The following FGF18 variants were observed in gnomAD, a reference collection of about 807,000 sequenced individuals.
The protein encoded by FGF18 is fibroblast growth factor 18.
In FGF18, 5 loss-of-function variants were observed where a neutral mutation model predicts 23.0. The ratio of observed to expected loss-of-function variants is 0.22; its 90% confidence interval spans 0.11 to 0.46. The LOEUF is 0.46. Among genes scored for constraint, FGF18 ranks in the 20% least tolerant of loss-of-function variants. FGF18 has a pLI of 0.99. For missense variants in FGF18, 180 were observed against 291.6 expected (o/e 0.62, Z 2.79); for synonymous variants, 117 against 118.9 (o/e 0.98, Z 0.10).
At chr5:171,430,242 C>T (rs565755108) in intron 2 of FGF18, among the ~76,000 whole-genome samples, 14 of 151,758 alleles carry the variant, frequency 9.2e-5, no homozygotes, top group African/African-American at 3.4e-4. Flanking sequence ...CCTGTAATCC[C>T]AGCTACTCCA....
intron 2 of FGF18, among the ~76,000 whole-genome samples, chr5:171,429,290 G>A (rs957020127): frequency 2.0e-5 from 3 of 152,106 alleles, no homozygotes; most frequent in African/African-American, 7.2e-5. Context: ...TGGCCTCTCT[G>A]TGTCTTCCTT....
At chr5:171,432,328 G>A (rs572818826) in intron 2 of FGF18, among the ~76,000 whole-genome samples, 27 of 152,146 alleles carry the variant, frequency 1.8e-4, no homozygotes, top group African/African-American at 5.5e-4. Flanking sequence ...TCACCTCCAC[G>A]GGTCGCTGAG....
At chr5:171,424,363 T>C (rs988550303) in intron 2 of FGF18, among the ~76,000 whole-genome samples, 1 of 152,230 alleles carries the variant, frequency 6.6e-6, no homozygotes, top group African/African-American at 2.4e-5. Flanking sequence ...AAGATGGTAC[T>C]TGTAGAAATT....
intron 2 of FGF18, 136 bp downstream of exon 2, chr5:171,420,579 C>T (rs1166751715): frequency 1.2e-6 from 1 of 832,312 alleles, no homozygotes; most frequent in Non-Finnish European, 1.9e-6. Context: ...TCCCAGGGCG[C>T]GGAAGGGCGG....
intron 4 of FGF18, among the ~76,000 whole-genome samples, chr5:171,452,020 A>G (rs929569890): frequency 6.6e-6 from 1 of 152,136 alleles, no homozygotes; most frequent in Non-Finnish European, 1.5e-5. Context: ...GCATCCATTC[A>G]TCTGAGTTCT....
At chr5:171,423,158 A>G (rs1379590142) in intron 2 of FGF18, among the ~76,000 whole-genome samples, 2 of 152,160 alleles carry the variant, frequency 1.3e-5, no homozygotes, top group African/African-American at 4.8e-5. Context: ...GAGCACATTC[A>G]GTGCCAGACA....
chr5:171,420,133 G>A lies in FGF18; in HGVS notation c.-67G>A. On this transcript the variant is annotated 5_prime_UTR_variant, in exon 1 of 5. Transcript: ENST00000274625. Reference sequence around the variant, plus strand: ...GCGGCGGCGGCGGCGGAGGCGCCCGGTCCCGGCCGCGCGGAGCGGACATGT... The same window carrying A: ...GCGGCGGCGGCGGCGGAGGCGCCCGATCCCGGCCGCGCGGAGCGGACATGT... 7.5e-7 allele frequency: 1 copy of A among 1,328,722 alleles called. No homozygotes were observed. Among genetic ancestry groups the A allele is most frequent in the Non-Finnish European group, 9.6e-7 (1 of 1,041,858 alleles). 82.3% of individuals were successfully genotyped at this position (1,328,722 alleles called of 1,614,324 possible).
At chr5:171,446,768 G>T (rs1324694874) in intron 3 of FGF18, among the ~76,000 whole-genome samples, 2 of 152,120 alleles carry the variant, frequency 1.3e-5, no homozygotes, top group Non-Finnish European at 2.9e-5. Context: ...GCTCAGAGTG[G>T]GGTATGGCTT....
rs1471609170 is a variant in FGF18 at position 171,456,449 on chromosome 5, A to T, written c.358-90A>T. 1 of 1,323,856 alleles carries T rather than the reference A, an allele frequency of 7.6e-7. No homozygotes were observed. The highest frequency in any genetic ancestry group is 1.0e-6 in the Non-Finnish European group (1 of 954,906). The allele number at this position is 1,323,856 out of a possible 1,614,324, so 82.0% of individuals were successfully genotyped here. On this transcript the variant is annotated intron_variant, in intron 4 of 4. Coordinates refer to ENST00000274625, the MANE Select transcript of FGF18 (RefSeq NM_003862.3). This position sits in a 1 kb window ranked among gnomAD's most constrained non-coding sequence, Gnocchi z 6.1. ...TTACAGTTGTCCCTACAACAATCGC[A>T]ATGGTCCTGAATAAAACCTTCCTCG...
intron 3 of FGF18, among the ~76,000 whole-genome samples, chr5:171,445,688 C>A (rs1005199632): frequency 6.6e-6 from 1 of 152,110 alleles, no homozygotes; most frequent in South Asian, 2.1e-4. Context: ...TAAAGGATTT[C>A]TCTGGCTGTG....
chr5:171,429,291 TG>T (rs1772143512), intron 2 of FGF18, among the ~76,000 whole-genome samples: 1 of 152,106 alleles, frequency 6.6e-6, no homozygotes, highest in African/African-American at 2.4e-5. Flanking sequence ...GGCCTCTCTG[TG>T]TCTTCCTTTG....
intron 3 of FGF18, among the ~76,000 whole-genome samples, chr5:171,446,802 C>T (rs1033585002): frequency 1.3e-5 from 2 of 152,064 alleles, no homozygotes; most frequent in African/African-American, 2.4e-5. Context: ...TAGCCTAGGA[C>T]GGCAATGCCA....
chr5:171,449,359 C>CAGTGTGTGTGTGTG, intron 4 of FGF18, 106 bp downstream of exon 4: 2 of 246,448 alleles, frequency 8.1e-6, no homozygotes, highest in Non-Finnish European at 1.6e-5. Flanking sequence ...GGAAAACAGG[C>CAGTGTGTGTGTGTG]CGTGTGTGTG....
At position 171,457,529 on chromosome 5, in the gene FGF18, T is replaced by A. The variant is rs1772604682; in HGVS notation, c.*724T>A. 6.6e-6 allele frequency: 1 copy of A among 151,844 alleles called. No homozygotes were observed. Among genetic ancestry groups the A allele is most frequent in the Non-Finnish European group, 1.5e-5 (1 of 68,004 alleles). 9.4% of individuals were successfully genotyped at this position (151,844 alleles called of 1,614,324 possible). A position where few individuals can be genotyped will look rare whatever the true frequency, so the allele number is the denominator to read the frequency against. Reference sequence around the variant, plus strand: ...CTATATTATATATATTATATATATATAAGCTATTTATTTCACCTCTCTGTA... The same window carrying A: ...CTATATTATATATATTATATATATAAAAGCTATTTATTTCACCTCTCTGTA... On this transcript the variant is annotated 3_prime_UTR_variant, in exon 5 of 5. Coordinates refer to ENST00000274625, the MANE Select transcript of FGF18 (RefSeq NM_003862.3).
chr5:171,456,429 G>C lies in FGF18; in HGVS notation c.358-110G>C. ...TCCCCCACTGCAAAACTTCATTACA[G>C]TTGTCCCTACAACAATCGCAATGGT... On this transcript the variant is annotated intron_variant, in intron 4 of 4. Transcript: ENST00000274625. The surrounding 1 kb of genome is among the most constrained non-coding windows in gnomAD (Gnocchi z 6.1). The C allele has an allele frequency of 9.1e-7, 1 of 1,101,240 alleles. No homozygotes were observed. Among genetic ancestry groups the C allele is most frequent in the Non-Finnish European group, 1.3e-6 (1 of 770,424 alleles). The allele number at this position is 1,101,240 out of a possible 1,614,324, so 68.2% of individuals were successfully genotyped here.
intron 4 of FGF18, among the ~76,000 whole-genome samples, chr5:171,450,816 C>T (rs566244521): frequency 2.7e-4 from 41 of 152,076 alleles, no homozygotes; most frequent in African/African-American, 7.2e-4. Flanking sequence ...TGTGGCGGCG[C>T]GGCCCAGCCC....
At chr5:171,425,621 G>C (rs1286109929) in intron 2 of FGF18, among the ~76,000 whole-genome samples, 2 of 146,622 alleles carry the variant, frequency 1.4e-5, no homozygotes, top group African/African-American at 5.1e-5. Flanking sequence ...AGCTCTGCCT[G>C]CCGGGTTCAC....
At chr5:171,420,471 T>C (rs1194969420) in intron 2 of FGF18, 28 bp downstream of exon 2, 1 of 1,608,716 alleles carries the variant, frequency 6.2e-7, no homozygotes, top group South Asian at 1.1e-5. Context: ...TTTGACCTCC[T>C]CCCGCCCCTG....
intron 3 of FGF18, among the ~76,000 whole-genome samples, chr5:171,437,375 C>A (rs1772264128): frequency 6.6e-6 from 1 of 152,226 alleles, no homozygotes; most frequent in Non-Finnish European, 1.5e-5. Context: ...TGCACCGTCA[C>A]TGGGGGCTGG....
Sources: gnomAD v4.1 joint callset for allele counts (sites outside exome capture counted in the v4.1 genomes callset) on GRCh38, gnomAD v4.1.1 for gene constraint, Gnocchi (gnomAD v3.1) non-coding constraint, MANE v1.5 for transcripts, NCBI Gene and HGNC (gene_info 2026-07-23, HGNC 2026-07-21) for gene names.